TRAP1: variants seen among roughly 807,000 people sequenced by gnomAD.
The protein encoded by TRAP1 is heat shock protein 75 kDa, mitochondrial.
A neutral mutation model predicts 89.1 loss-of-function variants in TRAP1; 102 were observed. The ratio of observed to expected loss-of-function variants is 1.15; its 90% CI spans 0.98 to 1.35. The LOEUF is 1.35. Ranked by LOEUF, TRAP1 falls within the 40% of genes most tolerant of loss-of-function variation. The probability of loss-of-function intolerance (pLI) is 0.00; values close to 1 mark genes in which losing one functional copy is unlikely to be tolerated. For synonymous variants in TRAP1, 508 were observed against 388.0 expected, an observed-to-expected ratio of 1.31 and a Z score of -3.64; for missense variants, 1,256 against 945.3, an observed-to-expected ratio of 1.33 and a Z score of -4.31.
intron 5 of TRAP1, chr16:3,678,471 T>C (rs2051030019): frequency 6.6e-6 from 1 of 152,160 alleles, no homozygotes; most frequent in African/African-American, 2.4e-5. Context: ...GTTGTTGTTG[T>C]TGTTGTTTTT....
chr16:3,717,334 G>A (rs946014694), intron 1 of TRAP1, 87 bp downstream of exon 1: 2 of 481,978 alleles, frequency 4.1e-6, no homozygotes, highest in Non-Finnish European at 6.4e-6. Context: ...AGCAGGTGCC[G>A]GCGCCTCGCT....
chr16:3,706,298 G>A (rs573181193), intron 1 of TRAP1, among the ~76,000 whole-genome samples: 110 of 151,852 alleles, frequency 7.2e-4, no homozygotes, highest in African/African-American at 2.4e-3. Flanking sequence ...GGGTGGGGTG[G>A]GGGTCTCACT....
At chr16:3,687,714 T>C (rs1430839650) in intron 3 of TRAP1, among the ~76,000 whole-genome samples, 6 of 151,248 alleles carry the variant, frequency 4.0e-5, no homozygotes, top group African/African-American at 9.7e-5. Flanking sequence ...CAAAACTCCG[T>C]CTCTACAAAA....
Position 3,677,539 on chromosome 16 carries a change from C to G in TRAP1, c.663G>C (p.Ser221=). The change falls in exon 6 of 18, where the codon TCG becomes TCC. Residue 221 remains serine, a synonymous_variant. Transcript: ENST00000246957. ...GGTAACCCAGGCTCCCCGGGGCTGCCGAGCGGGAATAGACCTCCACTCTGT... is the reference window on the plus strand; with the variant it reads ...GGTAACCCAGGCTCCCCGGGGCTGCGGAGCGGGAATAGACCTCCACTCTGT... The part of the protein sequence containing the change: ...VADRVEVYSR[S]AAPGSLGYQW... 2 of 1,614,180 alleles carry G rather than the reference C, an allele frequency of 1.2e-6. No homozygotes were observed. The highest frequency in any genetic ancestry group is 1.7e-6 in the Non-Finnish European group (2 of 1,180,034).
At chr16:3,679,669 C>T in intron 5 of TRAP1, 50 bp downstream of exon 5, 1 of 1,601,220 alleles carries the variant, frequency 6.2e-7, no homozygotes, top group Non-Finnish European at 8.6e-7. Flanking sequence ...CTGGAGGGAT[C>T]CTTGCACCCT....
At chr16:3,692,837 G>T (rs1010934865) in intron 1 of TRAP1, among the ~76,000 whole-genome samples, 4 of 151,870 alleles carry the variant, frequency 2.6e-5, no homozygotes, top group African/African-American at 4.8e-5. Context: ...GACCTCAGGC[G>T]ATCTGCCCAC....
chr16:3,709,072 C>A (rs1489359363), intron 1 of TRAP1, among the ~76,000 whole-genome samples: 3 of 151,826 alleles, frequency 2.0e-5, no homozygotes, highest in African/African-American at 7.3e-5. Context: ...GCCTCGGCCT[C>A]CCACAGTGCT....
rs569597731 is a variant in TRAP1, at chr16:3,696,820, G to A, written c.89-5835C>T. On this transcript the variant is annotated intron_variant, in intron 1 of 17. Coordinates refer to ENST00000246957, the MANE Select transcript of TRAP1 (RefSeq NM_016292.3). ...TGGCTCACAGCAGCCTCAACCCTCCGGATTCAAGTGATCCTCCCACCTCAA... is the reference window on the plus strand; with the variant it reads ...TGGCTCACAGCAGCCTCAACCCTCCAGATTCAAGTGATCCTCCCACCTCAA... 1.3e-4 allele frequency among the ~76,000 whole-genome samples: 19 copies of A among 151,612 alleles called. No individual in the cohort carries two copies. In the East Asian group the frequency reaches 2.9e-3, roughly 23 times the overall value.
intron 11 of TRAP1, 85 bp from the exon 12 acceptor site, chr16:3,666,203 C>T (rs945124035): frequency 4.8e-5 from 70 of 1,472,452 alleles, no homozygotes; most frequent in Admixed American, 2.5e-4. Flanking sequence ...TGTTCAGCCC[C>T]GCTAAGAATC....
intron 11 of TRAP1, among the ~76,000 whole-genome samples, chr16:3,670,518 T>C (rs1361979586): frequency 1.4e-5 from 2 of 145,680 alleles, no homozygotes; most frequent in South Asian, 2.3e-4. Context: ...CTGGGCAACA[T>C]AGTGAGATCC....
At chr16:3,668,931 G>A (rs1356430677) in intron 11 of TRAP1, among the ~76,000 whole-genome samples, 1 of 152,220 alleles carries the variant, frequency 6.6e-6, no homozygotes, top group East Asian at 1.9e-4. Flanking sequence ...CGGCCCGCAG[G>A]GACGCCAGGA....
At position 3,672,795 on chromosome 16, in the gene TRAP1, C is replaced by T. The variant is rs372591545; in HGVS notation, c.1070G>A (p.Arg357Gln). 3.5e-5 allele frequency: 56 copies of T among 1,612,754 alleles called. No individual in the cohort carries two copies. The highest frequency in any genetic ancestry group is 1.3e-4 in the African/African-American group (10 of 74,886). The change falls in exon 10 of 18, where the codon CGG becomes CAG. Residue 357 changes from arginine to glutamine, a missense_variant. Physicochemically the swap from Arg to Gln is conservative, Grantham distance 43 (BLOSUM62 1). Coordinates refer to ENST00000246957, the MANE Select transcript of TRAP1 (RefSeq NM_016292.3). Reference protein sequence around the residue: ...DMKPSMFDVSRELGSSVALYS... With the variant: ...DMKPSMFDVSQELGSSVALYS... ...CAGTGCAACGCTGGAGCCCAGCTCC[C>T]GGCTCACATCAAACATGGACGGTTT...
intron 1 of TRAP1, among the ~76,000 whole-genome samples, chr16:3,705,644 A>T (rs551689456): frequency 1.3e-5 from 2 of 152,086 alleles, no homozygotes; most frequent in East Asian, 3.9e-4. Flanking sequence ...TGTATAGATT[A>T]TTTTTTTCCA....
intron 9 of TRAP1, among the ~76,000 whole-genome samples, chr16:3,673,796 C>T (rs1007789501): frequency 6.6e-6 from 1 of 152,112 alleles, no homozygotes; most frequent in East Asian, 1.9e-4. Flanking sequence ...GCAGGATTTG[C>T]GGGAACTTCA....
rs944326879 is a variant in TRAP1 at position 3,691,572 on chromosome 16, C to G, written c.89-587G>C. ...CACATTCGCCTCACGGGTGACACCT[C>G]GCATCAACCTACCAAACTGAAACCT... On this transcript the variant is annotated intron_variant, in intron 1 of 17. Transcript: ENST00000246957. Among the ~76,000 whole-genome samples, 7 of 152,084 alleles carry G rather than the reference C, an allele frequency of 4.6e-5. No homozygotes were observed. The East Asian group carries it at 1.4e-3, about 29-fold the overall frequency.
intron 4 of TRAP1, among the ~76,000 whole-genome samples, chr16:3,681,509 A>G (rs906698780): frequency 6.6e-6 from 1 of 152,258 alleles, no homozygotes; most frequent in African/African-American, 2.4e-5. Flanking sequence ...GCAGCCAACA[A>G]GAAACATGGC....
intron 4 of TRAP1, among the ~76,000 whole-genome samples, chr16:3,680,777 G>A (rs2051064229): frequency 6.6e-6 from 1 of 152,218 alleles, no homozygotes; most frequent in African/African-American, 2.4e-5. Flanking sequence ...TGGGAGTAGG[G>A]CCCTTAGAAA....
chr16:3,674,317 T>C (rs747613002), intron 9 of TRAP1, 22 bp downstream of exon 9: 7 of 1,612,934 alleles, frequency 4.3e-6, no homozygotes, highest in Middle Eastern at 1.7e-4. Context: ...CTGAGGGCCG[T>C]GGGACTGCCA....
At chr16:3,707,598 A>G (rs2151282858) in intron 1 of TRAP1, among the ~76,000 whole-genome samples, 1 of 151,916 alleles carries the variant, frequency 6.6e-6, no homozygotes, top group East Asian at 2.0e-4. Context: ...TCATGCCTGT[A>G]ATCCCAGCAC....
Sources: allele counts gnomAD v4.1 joint callset (sites outside exome capture counted in the v4.1 genomes callset), GRCh38; gene constraint gnomAD v4.1.1; transcripts MANE v1.5; gene names NCBI Gene and HGNC (gene_info 2026-07-23, HGNC 2026-07-21).